The following DOCK6 variants were observed in gnomAD, a reference collection of about 807,000 sequenced individuals.
DOCK6 encodes the protein dedicator of cytokinesis protein 6.
Under a neutral mutation model 230.3 loss-of-function variants are expected in DOCK6, and 167 were observed. The ratio of observed to expected loss-of-function variants is 0.73; its 90% CI spans 0.64 to 0.82. The LOEUF is 0.82. Among genes scored for constraint, DOCK6 ranks in the 40% least tolerant of loss-of-function variants. The pLI, the probability that DOCK6 is intolerant of heterozygous loss-of-function variation, is 0.00. For synonymous variants in DOCK6, 1,148 were observed against 1,185.0 expected (o/e 0.97, Z 0.64); for missense variants, 2,598 against 2,825.8 (o/e 0.92, Z 1.83).
rs753526500 is a variant in DOCK6, at chr19:11,235,631, G to A, written c.2521C>T (p.Arg841Cys). 1.4e-5 allele frequency: 23 copies of A among 1,602,450 alleles called. No individual in the cohort carries two copies. The highest frequency in any genetic ancestry group is 6.7e-5 in the African/African-American group (5 of 74,746). ...QLAAYVHYAF[R>C]LPGTEPSLPD... Reference sequence around the variant, plus strand: ...AGGCTGGGCTCAGTGCCAGGAAGGCGAAAGGCGTAGTGGACGTAGGCAGCC... The same window carrying A: ...AGGCTGGGCTCAGTGCCAGGAAGGCAAAAGGCGTAGTGGACGTAGGCAGCC... Residue 841 changes from arginine (R) to cysteine (C), a missense_variant, in exon 21 of 48, where the codon CGC (arginine) becomes TGC (cysteine). Coordinates refer to ENST00000294618, the MANE Select transcript of DOCK6 (RefSeq NM_020812.4).
Position 11,202,847 on chromosome 19 carries a change from C to T in DOCK6, c.5236-138G>A. On this transcript the variant is annotated intron_variant, in intron 41 of 47. Coordinates refer to ENST00000294618, the MANE Select transcript of DOCK6 (RefSeq NM_020812.4). The surrounding 1 kb of genome is among the most constrained non-coding windows in gnomAD (Gnocchi z 5.3). The stretch of plus-strand genomic sequence containing the variant: ...TCAGGGCATGGGCACAGGCAGGGGG[C>T]CCTGAGAACATTGGGGCATGGATTG... 7.2e-7 allele frequency: 1 copy of T among 1,395,618 alleles called. No individual in the cohort carries two copies. The highest frequency in any genetic ancestry group is 9.9e-7 in the Non-Finnish European group (1 of 1,006,920). 86.5% of individuals were successfully genotyped at this position (1,395,618 alleles called of 1,614,324 possible). A position where few individuals can be genotyped will look rare whatever the true frequency, so the allele number is the denominator to read the frequency against.
chr19:11,242,098 C>T lies in DOCK6; in HGVS notation c.1590G>A (p.Lys530=). Residue 530 remains lysine (K), a synonymous_variant, in exon 14 of 48, where the codon AAG becomes AAA. Coordinates refer to ENST00000294618, the MANE Select transcript of DOCK6 (RefSeq NM_020812.4). The part of the protein sequence containing the change: ...PYPDPRGRPT[K]EILEFPAREV... ...CGCGGGCGGGGAACTCCAGAATCTC[C>T]TTGGTGGGCCGGCCCCTGGGGTCCG... 1.3e-6 allele frequency: 2 copies of T among 1,528,478 alleles called. No homozygotes were observed. Among genetic ancestry groups the T allele is most frequent in the Non-Finnish European group, 1.8e-6 (2 of 1,141,654 alleles). The allele number at this position is 1,528,478 out of a possible 1,614,324, so 94.7% of individuals were successfully genotyped here. A position where few individuals can be genotyped will look rare whatever the true frequency, so the allele number is the denominator to read the frequency against.
Position 11,252,820 on chromosome 19 carries a change from C to G in DOCK6, c.271G>C (p.Glu91Gln), listed in dbSNP as rs770520939. 2 of 1,613,208 alleles carry G rather than the reference C, an allele frequency of 1.2e-6. No homozygotes were observed. Among genetic ancestry groups the G allele is most frequent in the Non-Finnish European group, 1.7e-6 (2 of 1,179,618 alleles). The part of the protein sequence containing the change: ...DDLELLLQPR[E>Q]CRTTEPGIPK... Reference sequence around the variant, plus strand: ...ATCCCGGGCTCCGTGGTCCGGCATTCCCGGGGCTGCAGCAGCAGCTCCAAG... The same window carrying G: ...ATCCCGGGCTCCGTGGTCCGGCATTGCCGGGGCTGCAGCAGCAGCTCCAAG... The change falls in exon 3 of 48, where the codon GAA becomes CAA. Residue 91 changes from glutamate to glutamine, a missense_variant. Physicochemically the swap from Glu to Gln is conservative, Grantham distance 29. Transcript: ENST00000294618.
Position 11,223,048 on chromosome 19 carries a change from A to T in DOCK6, c.3014T>A (p.Leu1005Gln), listed in dbSNP as rs751339942. Residue 1005 changes from leucine (L) to glutamine (Q), a missense_variant, in exon 25 of 48, where the codon CTG becomes CAG. Physicochemically the swap from Leu to Gln is moderately radical, Grantham distance 113. Transcript: ENST00000294618. Reference sequence around the variant, plus strand: ...GACAAAGCCCCGGTCCACCAGGGACAGAAGGTCACTGAGGAAGAAAGCCAG... The same window carrying T: ...GACAAAGCCCCGGTCCACCAGGGACTGAAGGTCACTGAGGAAGAAAGCCAG... ...ASLAFFLSDL[L>Q]SLVDRGFVFS... 6.2e-7 allele frequency: 1 copy of T among 1,613,812 alleles called. No homozygotes were observed. The highest frequency in any genetic ancestry group is 1.1e-5 in the South Asian group (1 of 91,078).
intron 24 of DOCK6, among the ~76,000 whole-genome samples, chr19:11,224,658 G>T (rs566868603): frequency 6.6e-6 from 1 of 152,180 alleles, no homozygotes; most frequent in Non-Finnish European, 1.5e-5. Context: ...TAGCAAGTCC[G>T]GGGAACAGTG....
intron 21 of DOCK6, among the ~76,000 whole-genome samples, chr19:11,234,277 C>A (rs939761376): frequency 6.6e-6 from 1 of 151,846 alleles, no homozygotes; most frequent in Non-Finnish European, 1.5e-5. Flanking sequence ...GGATTACAGG[C>A]GTGAGCCACT....
In DOCK6 at chr19:11,251,039, G is replaced by A; in HGVS notation, c.555C>T (p.Ser185=). The A allele has an allele frequency of 3.1e-6, 5 of 1,613,430 alleles. No homozygotes were observed. The highest frequency in any genetic ancestry group is 4.2e-6 in the Non-Finnish European group (5 of 1,179,742). ...GSGSPEDTPR[S]SGASSIFDLR... ...GGTCGAAGATGCTAGAGGCACCACT[G>A]CTTCGAGGGGTGTCTTCCGGGGAGC... The change falls in exon 6 of 48, where the codon AGC becomes AGT. Residue 185 remains serine (S), a synonymous_variant. Transcript: ENST00000294618.
chr19:11,261,848 C>G (rs1003876939), intron 1 of DOCK6, among the ~76,000 whole-genome samples: 4 of 152,094 alleles, frequency 2.6e-5, no homozygotes, highest in East Asian at 1.9e-4. Context: ...CCCTTCCCCC[C>G]CCCCGACAGC....
chr19:11,240,087 C>A lies in DOCK6; in HGVS notation c.1644-1783G>T, dbSNP rs574103768. ...AAACTCAGGCAAGTCCTTAGGTACA[C>A]AAAGATGAGTTGGACATCCTACTAG... On this transcript the variant is annotated intron_variant, in intron 14 of 47. Coordinates refer to ENST00000294618, the MANE Select transcript of DOCK6 (RefSeq NM_020812.4). 8 of 1,550,530 alleles carry A rather than the reference C, an allele frequency of 5.2e-6. No individual in the cohort carries two copies. The South Asian group carries it at 8.3e-5, about 16-fold the overall frequency.
At position 11,250,968 on chromosome 19, in the gene DOCK6, C is replaced by T. The variant is rs770207164; in HGVS notation, c.626G>A (p.Arg209Gln). The change falls in exon 6 of 48, where the codon CGG (arginine) becomes CAG (glutamine). Residue 209 changes from arginine (R) to glutamine (Q), a missense_variant. Coordinates refer to ENST00000294618, the MANE Select transcript of DOCK6 (RefSeq NM_020812.4). ...CCGGTCCACATCTTCTGGGGCCGCC[C>T]GCTCTAGCAGAGAGGGCAGCAATGA... ...ADSLLPSLLE[R>Q]AAPEDVDRRN... The T allele has an allele frequency of 2.4e-5, 39 of 1,613,682 alleles. No homozygotes were observed. Among genetic ancestry groups the T allele is most frequent in the South Asian group, 2.2e-4 (20 of 91,082 alleles).
At chr19:11,239,441 G>C (rs1314720774) in intron 14 of DOCK6, among the ~76,000 whole-genome samples, 1 of 152,182 alleles carries the variant, frequency 6.6e-6, no homozygotes, top group African/African-American at 2.4e-5. Context: ...CCCACACCTG[G>C]CCCTGAGCCC....
At position 11,211,879 on chromosome 19, in the gene DOCK6, G is replaced by A; in HGVS notation, c.4651-3C>T. The A allele has an allele frequency of 6.4e-7, 1 of 1,553,946 alleles. No individual in the cohort carries two copies. The highest frequency in any genetic ancestry group is 8.7e-7 in the Non-Finnish European group (1 of 1,147,846). On this transcript the variant is annotated splice_polypyrimidine_tract_variant and splice_region_variant and intron_variant, in intron 36 of 47. Transcript: ENST00000294618. The stretch of plus-strand genomic sequence containing the variant: ...AGGTTGAACATCAGGTCCTGGACCT[G>A]GAGCCGGGGAACGTCCAGGGGCCAA...
chr19:11,222,737 G>T lies in DOCK6; in HGVS notation c.3238C>A (p.Gln1080Lys). The T allele has an allele frequency of 6.4e-7, 1 of 1,567,430 alleles. No homozygotes were observed. The highest frequency in any genetic ancestry group is 2.3e-5 in the East Asian group (1 of 42,940). The change falls in exon 26 of 48, where the codon CAG becomes AAG. Residue 1080 changes from glutamine (Q) to lysine (K), a missense_variant and splice_region_variant. Gln to Lys is a moderately conservative substitution (Grantham distance 53). Coordinates refer to ENST00000294618, the MANE Select transcript of DOCK6 (RefSeq NM_020812.4). This position sits in a 1 kb window ranked among gnomAD's most constrained non-coding sequence, Gnocchi z 4.0. ...AGGCAGAAGTGAAGGCAGCCCACCT[G>T]GGAGGTGGTGGAGGACACAGAGGGG... ...PSPSVSSTTSQSSTFSSQAPD... is the reference protein window; with the variant it reads ...PSPSVSSTTSKSSTFSSQAPD...
chr19:11,228,560 C>CTTT (rs1044123664), intron 23 of DOCK6, among the ~76,000 whole-genome samples: 23 of 128,902 alleles, frequency 1.8e-4, no homozygotes, highest in African/African-American at 6.4e-4. Context: ...GGGCTTCTCT[C>CTTT]TTTTTTTTTT....
intron 37 of DOCK6, among the ~76,000 whole-genome samples, chr19:11,210,823 A>T (rs542481389): frequency 6.9e-6 from 1 of 144,982 alleles, no homozygotes; most frequent in African/African-American, 2.6e-5. Flanking sequence ...TCATCTTCTC[A>T]TCTGGCCATC....
At position 11,214,395 on chromosome 19, in the gene DOCK6, T is replaced by A. The variant is rs374029485; in HGVS notation, c.4218A>T (p.Ser1406=). The part of the protein sequence containing the change: ...LEIIVQTVML[S]EARESVLGAV... ...CCCCCAAGACGCTCTCCCGGGCTTC[T>A]GAAAGCATCACCGTCTGGAGGGAAG... Residue 1406 remains serine (S), a synonymous_variant, in exon 34 of 48, where the codon TCA becomes TCT. Transcript: ENST00000294618. 36 of 1,613,666 alleles carry A rather than the reference T, an allele frequency of 2.2e-5. No individual in the cohort carries two copies. The highest frequency in any genetic ancestry group is 2.1e-4 in the African/African-American group (16 of 74,918).
intron 14 of DOCK6, chr19:11,239,497 G>C (rs1204568849): frequency 1.9e-6 from 2 of 1,051,356 alleles, no homozygotes; most frequent in African/African-American, 3.3e-5. Context: ...TTCGCCTGAT[G>C]CAACTATCGC....
chr19:11,252,464 C>T lies in DOCK6; in HGVS notation c.377+18G>A. On this transcript the variant is annotated intron_variant, in intron 4 of 47. Transcript: ENST00000294618. ...TTTGGGTTCCGAACCCCCTGAGCTG[C>T]CCCTAAGTCAGACTCACCTTCTGTG... The T allele has an allele frequency of 6.2e-7, 1 of 1,613,650 alleles. No individual in the cohort carries two copies. Among genetic ancestry groups the T allele is most frequent in the Non-Finnish European group, 8.5e-7 (1 of 1,179,730 alleles).
Position 11,217,258 on chromosome 19 carries a change from C to A in DOCK6, c.3684G>T (p.Arg1228=), listed in dbSNP as rs2079505838. The A allele has an allele frequency of 6.2e-7, 1 of 1,612,732 alleles. No individual in the cohort carries two copies. Among genetic ancestry groups the A allele is most frequent in the Non-Finnish European group, 8.5e-7 (1 of 1,179,564 alleles). The change falls in exon 29 of 48, where the codon CGG becomes CGT. Residue 1228 remains arginine, a synonymous_variant. Coordinates refer to ENST00000294618, the MANE Select transcript of DOCK6 (RefSeq NM_020812.4). ...TTGGTGGCCCCTGGGAGATGCTGGC[C>A]CGGGAGCCAGGGGCTAGGGGGCCAC... The part of the protein sequence containing the change: ...IAGGPLAPGS[R]ASISQGPPTA...
Sources: allele counts gnomAD v4.1 joint callset (sites outside exome capture counted in the v4.1 genomes callset), GRCh38; gene constraint gnomAD v4.1.1; non-coding constraint Gnocchi (gnomAD v3.1); transcripts MANE v1.5; gene names NCBI Gene and HGNC (gene_info 2026-07-23, HGNC 2026-07-21).